Variants in PTPRO observed in about 807,000 individuals in gnomAD.
PTPRO encodes the protein receptor-type tyrosine-protein phosphatase O.
A neutral mutation model predicts 145.2 loss-of-function variants in PTPRO; 62 were observed. The ratio of observed to expected loss-of-function variants is 0.43; its 90% confidence interval spans 0.35 to 0.53. The LOEUF is 0.53. Among genes scored for constraint, PTPRO ranks in the 20% least tolerant of loss-of-function variants. The pLI is 0.01. For synonymous variants in PTPRO, 565 were observed against 514.7 expected (o/e 1.10, Z -1.32); for missense variants, 1,345 against 1,482.7 (o/e 0.91, Z 1.53).
At chr12:15,476,527 C>G (rs984241256) in intron 1 of PTPRO, among the ~76,000 whole-genome samples, 1 of 151,222 alleles carries the variant, frequency 6.6e-6, no homozygotes, top group African/African-American at 2.4e-5. Context: ...CCTGTTCACT[C>G]TGATGGTAGT....
intron 1 of PTPRO, among the ~76,000 whole-genome samples, chr12:15,359,348 CT>C (rs1428542751): frequency 6.6e-6 from 1 of 150,398 alleles, no homozygotes; most frequent in East Asian, 1.9e-4. Flanking sequence ...TTTTAATGCC[CT>C]TATTAGATTC....
At chr12:15,383,026 A>G (rs1938912788) in intron 1 of PTPRO, among the ~76,000 whole-genome samples, 1 of 152,196 alleles carries the variant, frequency 6.6e-6, no homozygotes, top group Admixed American at 6.5e-5. Context: ...ATTATTAACA[A>G]TAATCACCAC....
chr12:15,323,236 G>A (rs1866353768), intron 1 of PTPRO, among the ~76,000 whole-genome samples: 1 of 152,140 alleles, frequency 6.6e-6, no homozygotes, highest in Non-Finnish European at 1.5e-5. Flanking sequence ...GGAGAGTGGA[G>A]GGGGACTGAG....
intron 1 of PTPRO, among the ~76,000 whole-genome samples, chr12:15,476,323 T>G (rs769303671): frequency 6.6e-6 from 1 of 152,170 alleles, no homozygotes; most frequent in Non-Finnish European, 1.5e-5. Context: ...GAGGGCTCTT[T>G]GTTTTGCTTA....
Position 15,501,697 on chromosome 12 carries a change from TTCCCAGAAGAA to T in PTPRO, c.743_753del (p.Pro248LeufsTer22). 6.2e-7 allele frequency: 1 copy of T among 1,613,962 alleles called. No homozygotes were observed. The highest frequency in any genetic ancestry group is 8.5e-7 in the Non-Finnish European group (1 of 1,179,934). On this transcript the variant is annotated frameshift_variant, in exon 5 of 27. Coordinates refer to ENST00000281171, the MANE Select transcript of PTPRO (RefSeq NM_030667.3). LOFTEE classifies it high-confidence loss of function. Reference sequence around the variant, plus strand: ...CAACTGGGAAGAACAGAGTGGCAATTTCCCAGAAGAATCCTTCATGAGATCACAAGATACAA... The same window carrying T: ...CAACTGGGAAGAACAGAGTGGCAATTTCCTTCATGAGATCACAAGATACAA...
intron 10 of PTPRO, among the ~76,000 whole-genome samples, chr12:15,520,559 T>A (rs1463521955): frequency 8.5e-5 from 13 of 152,232 alleles, no homozygotes; most frequent in Non-Finnish European, 1.9e-4. Context: ...CTGACCTTGA[T>A]TAATGTACTC....
rs1938181827 is a variant in PTPRO at position 15,360,940 on chromosome 12, A to G, written c.75+38139A>G. The stretch of plus-strand genomic sequence containing the variant: ...CACATGTATATACACACACATATAT[A>G]CACACGTGTATATACACACACATAT... On this transcript the variant is annotated intron_variant, in intron 1 of 26. Transcript: ENST00000281171. 2.0e-5 allele frequency among the ~76,000 whole-genome samples: 3 copies of G among 147,556 alleles called. No individual in the cohort carries two copies. In the South Asian group the frequency reaches 6.5e-4, roughly 32 times the overall value.
chr12:15,519,078 G>A (rs970979376), intron 9 of PTPRO, among the ~76,000 whole-genome samples: 4 of 152,190 alleles, frequency 2.6e-5, no homozygotes, highest in Admixed American at 2.6e-4. Context: ...TACAAAAGAA[G>A]GAGGTTTAAT....
At chr12:15,469,731 G>A (rs1941495866) in intron 1 of PTPRO, among the ~76,000 whole-genome samples, 1 of 126,256 alleles carries the variant, frequency 7.9e-6, no homozygotes, top group Non-Finnish European at 1.6e-5. Flanking sequence ...CAGAATAGCT[G>A]TTGAACTAAA....
chr12:15,361,872 T>A (rs1396153092), intron 1 of PTPRO, among the ~76,000 whole-genome samples: 3 of 152,204 alleles, frequency 2.0e-5, no homozygotes, highest in Non-Finnish European at 4.4e-5. Context: ...TTAATTCATG[T>A]TATAAATTAA....
At chr12:15,483,798 G>A (rs1941829900) in intron 1 of PTPRO, among the ~76,000 whole-genome samples, 176 bp from the exon 2 acceptor site, 1 of 152,036 alleles carries the variant, frequency 6.6e-6, no homozygotes, top group South Asian at 2.1e-4. Context: ...ATCTCTTTCT[G>A]ATTTTCTTTG....
chr12:15,324,292 G>A (rs972374780), intron 1 of PTPRO, among the ~76,000 whole-genome samples: 1 of 152,132 alleles, frequency 6.6e-6, no homozygotes, highest in African/African-American at 2.4e-5. Context: ...CAAACCTAAC[G>A]TTTAGCACAA....
chr12:15,437,628 C>T (rs1940635027), intron 1 of PTPRO, among the ~76,000 whole-genome samples: 1 of 152,112 alleles, frequency 6.6e-6, no homozygotes, highest in Admixed American at 6.5e-5. Context: ...ACCTGGGTTG[C>T]ACAACCCCTT....
At chr12:15,473,404 A>G (rs1252200755) in intron 1 of PTPRO, among the ~76,000 whole-genome samples, 1 of 152,152 alleles carries the variant, frequency 6.6e-6, no homozygotes, top group Non-Finnish European at 1.5e-5. Flanking sequence ...TGTGAACAAA[A>G]CATCCGGTGA....
intron 24 of PTPRO, among the ~76,000 whole-genome samples, chr12:15,587,994 A>T (rs1306106507): frequency 6.0e-5 from 9 of 149,994 alleles, no homozygotes; most frequent in African/African-American, 2.2e-4. Context: ...AAAATGCTTC[A>T]TAAGCTACTA....
At chr12:15,496,582 TA>T (rs1440858386) in intron 2 of PTPRO, among the ~76,000 whole-genome samples, 2 of 152,164 alleles carry the variant, frequency 1.3e-5, no homozygotes, top group African/African-American at 2.4e-5. Context: ...TCATGGATTT[TA>T]AAAAATGAGT....
chr12:15,467,253 A>T (rs1777252323), intron 1 of PTPRO, among the ~76,000 whole-genome samples: 1 of 152,068 alleles, frequency 6.6e-6, no homozygotes, highest in South Asian at 2.1e-4. Flanking sequence ...TGAATTCTGG[A>T]TCCGTGTATC....
chr12:15,343,227 T>C (rs890352051), intron 1 of PTPRO, among the ~76,000 whole-genome samples: 2 of 152,062 alleles, frequency 1.3e-5, no homozygotes, highest in African/African-American at 4.8e-5. Context: ...TGAAAATAGA[T>C]ACAAGGTAAA....
intron 12 of PTPRO, among the ~76,000 whole-genome samples, chr12:15,527,778 G>A (rs1942871598): frequency 6.6e-6 from 1 of 152,120 alleles, no homozygotes; most frequent in Non-Finnish European, 1.5e-5. Flanking sequence ...ACAAAACAAG[G>A]CAAGGCAGAC....
Sources: allele counts gnomAD v4.1 joint callset (sites outside exome capture counted in the v4.1 genomes callset), GRCh38; gene constraint gnomAD v4.1.1; transcripts MANE v1.5; gene names NCBI Gene and HGNC (gene_info 2026-07-23, HGNC 2026-07-21).